The following ROBO1 variants were observed in gnomAD, a reference collection of about 807,000 sequenced individuals.
ROBO1 encodes roundabout guidance receptor 1.
ROBO1 carries 149 observed loss-of-function variants against 195.9 expected under a neutral mutation model. The ratio of observed to expected loss-of-function variants is 0.76; its 90% CI spans 0.67 to 0.87. The LOEUF (loss-of-function observed/expected upper bound fraction) is 0.87. ROBO1 is among the 40% of genes least tolerant of loss of function. The pLI is 0.00. For synonymous variants in ROBO1, 816 were observed against 733.2 expected, an observed-to-expected ratio of 1.11 and a Z score of -1.82; for missense variants, 1,933 against 2,068.3, an observed-to-expected ratio of 0.93 and a Z score of 1.27.
chr3:78,718,692 C>G (rs1052825994), intron 5 of ROBO1, among the ~76,000 whole-genome samples: 8 of 151,542 alleles, frequency 5.3e-5, no homozygotes, highest in Admixed American at 2.0e-4. Flanking sequence ...TCTACAATGT[C>G]CTGATCTTAG....
chr3:79,239,958 A>G (rs558781050), intron 2 of ROBO1, among the ~76,000 whole-genome samples: 7 of 152,276 alleles, frequency 4.6e-5, no homozygotes, highest in African/African-American at 1.7e-4. Flanking sequence ...TATCCTATCA[A>G]TATATTGTAG....
chr3:78,791,230 C>A (rs1378595176), intron 4 of ROBO1, among the ~76,000 whole-genome samples: 1 of 152,102 alleles, frequency 6.6e-6, no homozygotes. Flanking sequence ...GTCATAGGTA[C>A]ACTATAGGGT....
At chr3:78,649,724 G>A (rs968072449) in intron 19 of ROBO1, among the ~76,000 whole-genome samples, 2 of 152,098 alleles carry the variant, frequency 1.3e-5, no homozygotes, top group African/African-American at 2.4e-5. Context: ...AGAATCAAAT[G>A]CTCATCAAAT....
chr3:79,760,285 ATT>A (rs1421906471), intron 1 of ROBO1, among the ~76,000 whole-genome samples: 1 of 140,022 alleles, frequency 7.1e-6, no homozygotes, highest in Non-Finnish European at 1.6e-5. Context: ...CAAGTGAAAA[ATT>A]TTCAGAAAAA....
At chr3:79,514,210 T>C (rs1278077015) in intron 2 of ROBO1, among the ~76,000 whole-genome samples, 2 of 152,140 alleles carry the variant, frequency 1.3e-5, no homozygotes, top group African/African-American at 2.4e-5. Context: ...ACTCAACTAT[T>C]TGTTTGGAAA....
At chr3:79,374,508 T>C (rs1452505340) in intron 2 of ROBO1, among the ~76,000 whole-genome samples, 1 of 152,132 alleles carries the variant, frequency 6.6e-6, no homozygotes, top group East Asian at 1.9e-4. Flanking sequence ...TGATATCTGT[T>C]TTTTTATTTC....
chr3:79,676,962 T>A (rs1394764949), intron 1 of ROBO1, among the ~76,000 whole-genome samples: 1 of 152,046 alleles, frequency 6.6e-6, no homozygotes, highest in Non-Finnish European at 1.5e-5. Context: ...ATGAGACTCT[T>A]GGGAACCTTG....
rs191862225 is a variant in ROBO1 at position 79,586,038 on chromosome 3, T to C, written c.88+3786A>G. Among the ~76,000 whole-genome samples, 18 of 152,052 alleles carry C rather than the reference T, an allele frequency of 1.2e-4. No homozygotes were observed. In the East Asian group the frequency reaches 3.1e-3, roughly 26 times the overall value. On this transcript the variant is annotated intron_variant, in intron 2 of 30. Transcript: ENST00000464233. ...ATGCAACATTACTTGTTAAATAAAG[T>C]ATCCCGAAAGAAATTCCCAAATATT... is the stretch of plus-strand genomic sequence containing the variant.
intron 1 of ROBO1, among the ~76,000 whole-genome samples, chr3:79,681,763 A>T (rs1946956438): frequency 6.6e-6 from 1 of 151,960 alleles, no homozygotes; most frequent in East Asian, 1.9e-4. Flanking sequence ...TCAAATACTT[A>T]CAAGTAGACT....
At chr3:79,061,660 C>A (rs1467292368) in intron 3 of ROBO1, among the ~76,000 whole-genome samples, 1 of 152,024 alleles carries the variant, frequency 6.6e-6, no homozygotes, top group Non-Finnish European at 1.5e-5. Flanking sequence ...GATATATAGA[C>A]CAATGGAACA....
intron 2 of ROBO1, among the ~76,000 whole-genome samples, chr3:79,408,054 TA>T (rs2037618982): frequency 6.6e-6 from 1 of 151,876 alleles, no homozygotes; most frequent in African/African-American, 2.4e-5. Flanking sequence ...AATTGTTTAT[TA>T]AAAAAATTGG....
chr3:78,947,303 C>G (rs140555699), intron 3 of ROBO1, among the ~76,000 whole-genome samples: 1 of 152,170 alleles, frequency 6.6e-6, no homozygotes, highest in Non-Finnish European at 1.5e-5. Flanking sequence ...TGTAAAAGAA[C>G]AGAAATTATA....
chr3:79,213,674 T>G (rs1476697906), intron 2 of ROBO1, among the ~76,000 whole-genome samples: 2 of 152,084 alleles, frequency 1.3e-5, no homozygotes, highest in Non-Finnish European at 2.9e-5. Flanking sequence ...GAAATCAATT[T>G]CTCTCTCTTT....
chr3:79,317,391 C>A (rs532396603), intron 2 of ROBO1, among the ~76,000 whole-genome samples: 31 of 152,030 alleles, frequency 2.0e-4, no homozygotes, highest in African/African-American at 7.0e-4. Flanking sequence ...AATCTCTTTG[C>A]TCACTACGCC....
chr3:79,317,621 T>C (rs1307076388), intron 2 of ROBO1, among the ~76,000 whole-genome samples: 2 of 152,168 alleles, frequency 1.3e-5, no homozygotes, highest in Non-Finnish European at 2.9e-5. Flanking sequence ...TTACCGTGTA[T>C]CTTGATTATA....
chr3:79,572,433 T>G (rs1017258146), intron 2 of ROBO1, among the ~76,000 whole-genome samples: 11 of 152,086 alleles, frequency 7.2e-5, no homozygotes, highest in Non-Finnish European at 1.5e-4. Flanking sequence ...ATATAATTTT[T>G]AACATTGCCA....
chr3:79,147,358 T>G (rs1223131094), intron 2 of ROBO1, among the ~76,000 whole-genome samples: 1 of 151,950 alleles, frequency 6.6e-6, no homozygotes, highest in Admixed American at 6.6e-5. Context: ...TTCATTAAAA[T>G]GAAATGTAAG....
intron 4 of ROBO1, among the ~76,000 whole-genome samples, chr3:78,913,967 T>C (rs1055740771): frequency 2.6e-5 from 4 of 152,214 alleles, no homozygotes; most frequent in Non-Finnish European, 5.9e-5. Flanking sequence ...AATTCATTCA[T>C]TGAGCACTAA....
chr3:78,960,037 T>G (rs983719185), intron 3 of ROBO1, among the ~76,000 whole-genome samples: 21 of 152,140 alleles, frequency 1.4e-4, no homozygotes, highest in Admixed American at 1.2e-3. Flanking sequence ...GTAACAGCGG[T>G]GCCTGTGGTC....
Sources: allele counts gnomAD v4.1 joint callset (sites outside exome capture counted in the v4.1 genomes callset), GRCh38; gene constraint gnomAD v4.1.1; transcripts MANE v1.5; gene names NCBI Gene and HGNC (gene_info 2026-07-23, HGNC 2026-07-21).